Variants in TCTN2 observed in about 807,000 individuals in gnomAD.
TCTN2 encodes the protein tectonic family member 2.
A neutral mutation model predicts 83.4 loss-of-function variants in TCTN2; 66 were observed. That is an observed-to-expected ratio of 0.79 (90% CI 0.65 to 0.97). TCTN2 has a LOEUF of 0.97. Among genes scored for constraint, TCTN2 ranks in the 50% least tolerant of loss-of-function variants. The pLI, the probability that TCTN2 is intolerant of heterozygous loss-of-function variation, is 0.00. For synonymous variants in TCTN2, 301 were observed against 326.7 expected, an observed-to-expected ratio of 0.92 and a Z score of 0.85; for missense variants, 794 against 858.1, an observed-to-expected ratio of 0.93 and a Z score of 0.93.
intron 16 of TCTN2, 63 bp from the exon 17 acceptor site, chr12:123,706,922 C>T (rs1245100092): frequency 1.2e-6 from 2 of 1,613,376 alleles, no homozygotes; most frequent in African/African-American, 1.3e-5. Flanking sequence ...GAAGTTTATT[C>T]CTTTAATCAA....
At chr12:123,683,731 C>G (rs1326386963) in intron 5 of TCTN2, among the ~76,000 whole-genome samples, 1 of 152,132 alleles carries the variant, frequency 6.6e-6, no homozygotes, top group Non-Finnish European at 1.5e-5. Context: ...CTCCGTCTCC[C>G]AGGTTCAAGC....
chr12:123,699,750 G>T lies in TCTN2; in HGVS notation c.1552G>T (p.Val518Phe). The T allele has an allele frequency of 6.2e-7, 1 of 1,614,188 alleles. No homozygotes were observed. Among genetic ancestry groups the T allele is most frequent in the African/African-American group, 1.3e-5 (1 of 75,042 alleles). The change falls in exon 14 of 18, where the codon GTT becomes TTT. Residue 518 changes from valine to phenylalanine, a missense_variant. Val to Phe is a conservative substitution (Grantham distance 50). Coordinates refer to ENST00000303372, the MANE Select transcript of TCTN2 (RefSeq NM_024809.5). ...TGATTCATTAATACAAGCGACTCAC[G>T]TTGCAATGAGAGGCAACTCCGATTA... ...RLDSLIQATH[V>F]AMRGNSDYAD...
rs771550665 is a variant in TCTN2, at chr12:123,704,698, C to T, written c.1769+10C>T. On this transcript the variant is annotated intron_variant, in intron 15 of 17. Transcript: ENST00000303372. ...TCGGTGTAGAGACAAGGTATGATCA[C>T]ATCTTGGATCACCGTAGTTTAGAGA... 7 of 1,613,492 alleles carry T rather than the reference C, an allele frequency of 4.3e-6. No individual in the cohort carries two copies. In the East Asian group the frequency reaches 1.1e-4, roughly 26 times the overall value.
chr12:123,671,476 C>A (rs1296740260), intron 1 of TCTN2, 31 bp from the exon 2 acceptor site: 2 of 1,607,808 alleles, frequency 1.2e-6, no homozygotes, highest in Non-Finnish European at 1.7e-6. Context: ...CCACTGCTAA[C>A]CCCTCCTTGT....
intron 11 of TCTN2, chr12:123,695,999 A>T (rs1956103206): frequency 4.5e-6 from 1 of 221,738 alleles, no homozygotes; most frequent in African/African-American, 2.3e-5. Flanking sequence ...GCCCACCAAC[A>T]CCCTCAGCAA....
intron 14 of TCTN2, among the ~76,000 whole-genome samples, chr12:123,702,763 C>G (rs1956187410): frequency 6.6e-6 from 1 of 152,204 alleles, no homozygotes; most frequent in Non-Finnish European, 1.5e-5. Flanking sequence ...ACGGAGAACC[C>G]AGGTTGATGA....
chr12:123,707,341 G>C, intron 17 of TCTN2: 3 of 612,910 alleles, frequency 4.9e-6, no homozygotes, highest in Non-Finnish European at 8.6e-6. Flanking sequence ...TTGCCTCCTG[G>C]GTTCAGACAA....
intron 7 of TCTN2, 35 bp downstream of exon 7, chr12:123,688,212 TC>T (rs374312319): frequency 1.3e-5 from 20 of 1,571,470 alleles, no homozygotes; most frequent in South Asian, 5.8e-5. Context: ...TAGACCGTTC[TC>T]TTTTTTTTTT....
intron 5 of TCTN2, among the ~76,000 whole-genome samples, chr12:123,683,784 G>A (rs958632286): frequency 1.3e-5 from 2 of 152,178 alleles, no homozygotes; most frequent in African/African-American, 4.8e-5. Flanking sequence ...GATTACAGGC[G>A]CGTGCCACCA....
intron 9 of TCTN2, among the ~76,000 whole-genome samples, chr12:123,693,018 C>CTT (rs539689505): frequency 0.031 from 1,638 of 53,506 alleles, 9 homozygotes; most frequent in East Asian, 0.045. Context: ...TTAAATAATT[C>CTT]TTTTTTTTTT....
rs539689505 is a variant in TCTN2 at position 123,693,018 on chromosome 12, CTTTTTTTTT to C, written c.1099+312_1099+320del. Among the ~76,000 whole-genome samples the C allele has an allele frequency of 4.3e-4, 23 of 53,796 alleles. No homozygotes were observed. The South Asian group carries it at 0.014, about 33-fold the overall frequency. 35.3% of individuals were successfully genotyped at this position (53,796 alleles called of 152,430 possible). A position where few individuals can be genotyped will look rare whatever the true frequency, so the allele number is the denominator to read the frequency against. On this transcript the variant is annotated intron_variant, in intron 9 of 17. Coordinates refer to ENST00000303372, the MANE Select transcript of TCTN2 (RefSeq NM_024809.5). Reference sequence around the variant, plus strand: ...TTAAATGTTTGATAGTTAAATAATTCTTTTTTTTTTTTTTTTTTTTTTTTTGAGGCGGAG... The same window carrying C: ...TTAAATGTTTGATAGTTAAATAATTCTTTTTTTTTTTTTTTTGAGGCGGAG...
chr12:123,706,735 A>T lies in TCTN2; in HGVS notation c.1779A>T (p.Ser593=). The T allele has an allele frequency of 3.7e-6, 6 of 1,614,124 alleles. No individual in the cohort carries two copies. Among genetic ancestry groups the T allele is most frequent in the Non-Finnish European group, 5.1e-6 (6 of 1,180,020 alleles). Residue 593 remains serine, a synonymous_variant, in exon 16 of 18, where the codon TCA becomes TCT. Coordinates refer to ENST00000303372, the MANE Select transcript of TCTN2 (RefSeq NM_024809.5). ...EILGVETRFS[S]VNWQYQCGLT... ...GATCTTTCCCTCCTAGGTTCTCCTC[A>T]GTGAACTGGCAGTACCAGTGTGGGC...
rs150966418 is a variant in TCTN2 at position 123,677,105 on chromosome 12, G to A, written c.464-2084G>A. Among the ~76,000 whole-genome samples the A allele has an allele frequency of 5.0e-3, 760 of 152,246 alleles. 5 individuals carry two copies. The highest frequency in any genetic ancestry group is 0.017 in the African/African-American group (717 of 41,538). Reference sequence around the variant, plus strand: ...AGGTGGGAGGATCACTTGAGCCCTGGGAGGTTGAGGCTGCAGTGAGCTGTG... The same window carrying A: ...AGGTGGGAGGATCACTTGAGCCCTGAGAGGTTGAGGCTGCAGTGAGCTGTG... On this transcript the variant is annotated intron_variant, in intron 4 of 17. Transcript: ENST00000303372.
At chr12:123,689,181 C>G (rs750260543) in intron 7 of TCTN2, among the ~76,000 whole-genome samples, 1 of 152,090 alleles carries the variant, frequency 6.6e-6, no homozygotes, top group Non-Finnish European at 1.5e-5. Context: ...CCTACCTCAG[C>G]TTCCCAAGTA....
intron 3 of TCTN2, among the ~76,000 whole-genome samples, chr12:123,673,385 T>C (rs1434346397): frequency 6.6e-6 from 1 of 152,246 alleles, no homozygotes; most frequent in Non-Finnish European, 1.5e-5. Flanking sequence ...TTTAGCTTTC[T>C]CTAAGTATCC....
At chr12:123,690,448 A>T in intron 7 of TCTN2, 85 bp from the exon 8 acceptor site, 2 of 1,593,074 alleles carry the variant, frequency 1.3e-6, no homozygotes, top group South Asian at 2.2e-5. Context: ...CAGGCTGCAG[A>T]AAGACCAGTT....
At chr12:123,700,694 G>T (rs1300865859) in intron 14 of TCTN2, among the ~76,000 whole-genome samples, 2 of 152,218 alleles carry the variant, frequency 1.3e-5, no homozygotes, top group Non-Finnish European at 2.9e-5. Flanking sequence ...GCCTCCCAAA[G>T]TGCTGGGATT....
chr12:123,679,696 CTG>C (rs902132468), intron 5 of TCTN2, among the ~76,000 whole-genome samples: 48 of 148,636 alleles, frequency 3.2e-4, no homozygotes, highest in African/African-American at 1.1e-3. Context: ...TCTTCCAAAA[CTG>C]AGATTATGTT....
At chr12:123,678,484 C>T (rs1275426950) in intron 4 of TCTN2, among the ~76,000 whole-genome samples, 1 of 152,148 alleles carries the variant, frequency 6.6e-6, no homozygotes, top group African/African-American at 2.4e-5. Flanking sequence ...GACAGGGTTT[C>T]ACTATGTTGG....
Sources: gnomAD v4.1 joint callset for allele counts (sites outside exome capture counted in the v4.1 genomes callset) on GRCh38, gnomAD v4.1.1 for gene constraint, MANE v1.5 for transcripts, NCBI Gene and HGNC (gene_info 2026-07-23, HGNC 2026-07-21) for gene names.